PDGFRA: variants seen among roughly 807,000 people sequenced by gnomAD.
PDGFRA encodes platelet-derived growth factor receptor alpha.
PDGFRA carries 25 observed loss-of-function variants against 121.5 expected under a neutral mutation model. The ratio of observed to expected loss-of-function variants is 0.21; its 90% CI spans 0.15 to 0.29. PDGFRA has a LOEUF of 0.29. Ranked by LOEUF, PDGFRA falls within the 10% of genes least tolerant of loss-of-function variation. The probability of loss-of-function intolerance (pLI) is 1.00; values close to 1 mark genes in which losing one functional copy is unlikely to be tolerated. For synonymous variants in PDGFRA, 463 were observed against 494.8 expected, an observed-to-expected ratio of 0.94 and a Z score of 0.85; for missense variants, 1,008 against 1,345.1, an observed-to-expected ratio of 0.75 and a Z score of 3.92.
intron 1 of PDGFRA, among the ~76,000 whole-genome samples, chr4:54,253,831 T>A (rs1722199782): frequency 6.6e-6 from 1 of 151,704 alleles, no homozygotes; most frequent in African/African-American, 2.4e-5. Context: ...ACTACAGGAG[T>A]GTGCCACCAT....
intron 1 of PDGFRA, among the ~76,000 whole-genome samples, chr4:54,254,534 G>A (rs1056124970): frequency 1.7e-4 from 26 of 152,180 alleles, no homozygotes; most frequent in Admixed American, 6.5e-5. Context: ...GGTTTTGCAG[G>A]AAAAGCAGTG....
intron 1 of PDGFRA, among the ~76,000 whole-genome samples, chr4:54,238,395 T>G (rs1721124857): frequency 6.6e-6 from 1 of 152,222 alleles, no homozygotes; most frequent in African/African-American, 2.4e-5. Context: ...CACTCTTTCT[T>G]TTTTTTAAAC....
In PDGFRA at chr4:54,270,696, A is replaced by G. The variant is rs2110279879; in HGVS notation, c.1185A>G (p.Val395=). 6.2e-7 allele frequency: 1 copy of G among 1,612,266 alleles called. No individual in the cohort carries two copies. The highest frequency in any genetic ancestry group is 8.5e-7 in the Non-Finnish European group (1 of 1,178,370). The change falls in exon 8 of 23, where the codon GTA becomes GTG. Residue 395 remains valine, a synonymous_variant. Coordinates refer to ENST00000257290, the MANE Select transcript of PDGFRA (RefSeq NM_006206.6). The part of the protein sequence containing the change: ...KEEDSGHYTI[V]AQNEDAVKSY... ...AAGACAGTGGCCATTATACTATTGTAGCTCAAAATGAAGATGCTGTGAAGA... is the reference window on the plus strand; with the variant it reads ...AAGACAGTGGCCATTATACTATTGTGGCTCAAAATGAAGATGCTGTGAAGA...
chr4:54,290,777 G>A lies in PDGFRA; in HGVS notation c.3122+223G>A, dbSNP rs530008495. On this transcript the variant is annotated intron_variant, in intron 22 of 22. Transcript: ENST00000257290. The stretch of plus-strand genomic sequence containing the variant: ...GAGAGGGATGTGCATGTTGTGGGGA[G>A]AGGGACATGCTTCCCTGGTGGAGAA... Among the ~76,000 whole-genome samples, 3 of 152,320 alleles carry A rather than the reference G, an allele frequency of 2.0e-5. No individual in the cohort carries two copies. The East Asian group carries it at 5.8e-4, about 29-fold the overall frequency.
chr4:54,240,558 TATC>T, intron 1 of PDGFRA, among the ~76,000 whole-genome samples: 1 of 152,356 alleles, frequency 6.6e-6, no homozygotes, highest in East Asian at 1.9e-4. Context: ...ACTCTAAAGT[TATC>T]ATTTTCTATA....
At chr4:54,257,096 C>G (rs906856965) in intron 1 of PDGFRA, among the ~76,000 whole-genome samples, 2 of 152,150 alleles carry the variant, frequency 1.3e-5, no homozygotes, top group Admixed American at 6.5e-5. Context: ...CCACCAAAAC[C>G]AAGACGGTGA....
chr4:54,259,421 C>T (rs1722564250), intron 2 of PDGFRA, among the ~76,000 whole-genome samples: 1 of 152,212 alleles, frequency 6.6e-6, no homozygotes, highest in African/African-American at 2.4e-5. Context: ...GCTTCTAAAT[C>T]TCAGAGTCAC....
intron 1 of PDGFRA, among the ~76,000 whole-genome samples, chr4:54,249,730 A>G (rs1302293436): frequency 6.6e-6 from 1 of 152,160 alleles, no homozygotes; most frequent in South Asian, 2.1e-4. Context: ...GCACATGTAT[A>G]CATATGTAAC....
chr4:54,253,300 G>A (rs983806571), intron 1 of PDGFRA, among the ~76,000 whole-genome samples: 11 of 152,184 alleles, frequency 7.2e-5, no homozygotes, highest in Admixed American at 1.3e-4. Flanking sequence ...TAGTCCTTAC[G>A]ATAATGTCAC....
intron 22 of PDGFRA, 130 bp downstream of exon 22, chr4:54,290,684 C>G: frequency 9.8e-7 from 1 of 1,023,670 alleles, no homozygotes; most frequent in South Asian, 1.3e-5. Context: ...GTTGCAGAAT[C>G]CTCAGGAGGT....
At chr4:54,240,102 C>G in intron 1 of PDGFRA, 1 of 401,528 alleles carries the variant, frequency 2.5e-6, no homozygotes, top group South Asian at 1.8e-5. Flanking sequence ...ATCTGCCTGC[C>G]TCAGCTTCCC....
intron 21 of PDGFRA, among the ~76,000 whole-genome samples, chr4:54,289,394 A>G (rs887359951): frequency 6.6e-6 from 1 of 152,060 alleles, no homozygotes; most frequent in Non-Finnish European, 1.5e-5. Context: ...CAGTTAGAAG[A>G]CTCAGGGCAT....
chr4:54,242,797 C>T (rs374327628), intron 1 of PDGFRA, among the ~76,000 whole-genome samples: 4 of 152,242 alleles, frequency 2.6e-5, no homozygotes, highest in African/African-American at 9.6e-5. Flanking sequence ...GAAGGTGCCA[C>T]AGACCTCGTT....
chr4:54,283,274 T>G (rs1356970390), intron 16 of PDGFRA, among the ~76,000 whole-genome samples: 1 of 152,206 alleles, frequency 6.6e-6, no homozygotes, highest in African/African-American at 2.4e-5. Flanking sequence ...CTGGACACCC[T>G]GGTTTTTTAA....
chr4:54,261,515 C>T (rs1251945541), intron 3 of PDGFRA, 103 bp downstream of exon 3: 17 of 692,736 alleles, frequency 2.5e-5, no homozygotes, highest in South Asian at 6.4e-5. Flanking sequence ...ATATTTATTG[C>T]GGGAAGTTTG....
chr4:54,256,937 G>A (rs966385092), intron 1 of PDGFRA, among the ~76,000 whole-genome samples: 2 of 152,126 alleles, frequency 1.3e-5, no homozygotes, highest in African/African-American at 4.8e-5. Context: ...GCTCAGGTGG[G>A]AGGATTGCTT....
chr4:54,278,447 C>G lies in PDGFRA; in HGVS notation c.2088C>G (p.His696Gln), dbSNP rs765377444. 18 of 1,613,668 alleles carry G rather than the reference C, an allele frequency of 1.1e-5. No homozygotes were observed. The highest frequency in any genetic ancestry group is 1.4e-5 in the Non-Finnish European group (17 of 1,179,812). The change falls in exon 15 of 23, where the codon CAC (histidine) becomes CAG (glutamine). Residue 696 changes from histidine (H) to glutamine (Q), a missense_variant. Around this residue, in one of 5 missense-constraint regions of PDGFRA, gnomAD observed 128 missense variants for 147.6 expected, o/e 0.87. Coordinates refer to ENST00000257290, the MANE Select transcript of PDGFRA (RefSeq NM_006206.6). ...AGAATAGGGATAGCTTCCTGAGCCA[C>G]CACCCAGAGAAGCCAAAGAAAGAGC... ...LHKNRDSFLS[H>Q]HPEKPKKELD...
At chr4:54,239,020 A>G (rs1721156598) in intron 1 of PDGFRA, among the ~76,000 whole-genome samples, 1 of 152,204 alleles carries the variant, frequency 6.6e-6, no homozygotes, top group African/African-American at 2.4e-5. Context: ...ACCAGAATGC[A>G]GTGAAGAAGC....
intron 21 of PDGFRA, among the ~76,000 whole-genome samples, chr4:54,289,324 T>C (rs1724515626): frequency 1.3e-5 from 2 of 152,190 alleles, no homozygotes; most frequent in Non-Finnish European, 2.9e-5. Flanking sequence ...CCTTTCATCT[T>C]ATATGTACAG....
Sources: allele counts gnomAD v4.1 joint callset (sites outside exome capture counted in the v4.1 genomes callset), GRCh38; gene constraint gnomAD v4.1.1; regional missense constraint gnomAD v4.1.1; transcripts MANE v1.5; gene names NCBI Gene and HGNC (gene_info 2026-07-23, HGNC 2026-07-21).